The following PKHD1L1 variants were observed in gnomAD, a reference collection of about 807,000 sequenced individuals.
PKHD1L1 encodes the protein fibrocystin-L.
A neutral mutation model predicts 462.9 loss-of-function variants in PKHD1L1; 434 were observed. The ratio of observed to expected loss-of-function variants is 0.94; its 90% CI spans 0.87 to 1.02. PKHD1L1 has a LOEUF of 1.02. Ranked by LOEUF, PKHD1L1 falls within the 50% of genes least tolerant of loss-of-function variation. The pLI, the probability that PKHD1L1 is intolerant of heterozygous loss-of-function variation, is 0.00. For synonymous variants in PKHD1L1, 1,781 were observed against 1,750.0 expected (o/e 1.02, Z -0.44); for missense variants, 5,202 against 5,096.1 (o/e 1.02, Z -0.63).
chr8:109,514,541 G>A (rs934000453), intron 71 of PKHD1L1, among the ~76,000 whole-genome samples: 3 of 152,076 alleles, frequency 2.0e-5, no homozygotes, highest in Admixed American at 6.6e-5. Flanking sequence ...TAATGTGACT[G>A]TCAATATTCT....
chr8:109,398,981 T>C (rs1165662444), intron 12 of PKHD1L1, among the ~76,000 whole-genome samples: 1 of 152,164 alleles, frequency 6.6e-6, no homozygotes, highest in Non-Finnish European at 1.5e-5. Flanking sequence ...GAAATGTTAC[T>C]CTAAATTCTT....
chr8:109,410,043 T>A (rs1388549107), intron 19 of PKHD1L1, 65 bp downstream of exon 19: 1 of 884,020 alleles, frequency 1.1e-6, no homozygotes, highest in African/African-American at 1.8e-5. Flanking sequence ...TTTTAAATTT[T>A]ATAATTTCTC....
At chr8:109,523,483 A>T in intron 76 of PKHD1L1, 97 bp downstream of exon 76, 1 of 1,205,866 alleles carries the variant, frequency 8.3e-7, no homozygotes, top group Non-Finnish European at 1.1e-6. Flanking sequence ...CACTCTGGTC[A>T]ATAAATTATA....
chr8:109,431,464 G>T (rs1352268024), intron 27 of PKHD1L1, among the ~76,000 whole-genome samples: 1 of 151,604 alleles, frequency 6.6e-6, no homozygotes, highest in Non-Finnish European at 1.5e-5. Flanking sequence ...AACTCTCGAG[G>T]GACAATCACA....
In PKHD1L1 at chr8:109,413,550, G is replaced by A. The variant is rs1237831540; in HGVS notation, c.2360+5G>A. On this transcript the variant is annotated splice_donor_5th_base_variant and intron_variant, in intron 21 of 77. Transcript: ENST00000378402. ...CAACTTTGCTTATGGAAACAAGTAAGTTACGCTATGAATTTGAAAATTACA... is the reference window on the plus strand; with the variant it reads ...CAACTTTGCTTATGGAAACAAGTAAATTACGCTATGAATTTGAAAATTACA... The A allele has an allele frequency of 2.0e-6, 3 of 1,504,708 alleles. No homozygotes were observed. The highest frequency in any genetic ancestry group is 2.8e-5 in the South Asian group (2 of 71,846). The allele number at this position is 1,504,708 out of a possible 1,614,324, so 93.2% of individuals were successfully genotyped here.
At chr8:109,507,968 C>A in intron 69 of PKHD1L1, 73 bp downstream of exon 69, 1 of 1,533,940 alleles carries the variant, frequency 6.5e-7, no homozygotes, top group Non-Finnish European at 8.9e-7. Flanking sequence ...TTTTTAATGA[C>A]TTGCCTACTC....
At chr8:109,421,829 A>G (rs1205920096) in intron 23 of PKHD1L1, among the ~76,000 whole-genome samples, 3 of 152,152 alleles carry the variant, frequency 2.0e-5, no homozygotes, top group African/African-American at 7.2e-5. Context: ...TGTATTCTCA[A>G]AGCATCTGTG....
At chr8:109,429,710 A>G (rs73700887) in intron 26 of PKHD1L1, among the ~76,000 whole-genome samples, 1,736 of 152,258 alleles carry the variant, frequency 0.011, 26 homozygotes, top group African/African-American at 0.037. Flanking sequence ...CTTTCCTTCA[A>G]TCTTTACAGC....
At chr8:109,382,396 T>C in intron 3 of PKHD1L1, 67 bp from the exon 4 acceptor site, 3 of 1,315,280 alleles carry the variant, frequency 2.3e-6, no homozygotes, top group East Asian at 2.7e-5. Context: ...GCAGTATTTT[T>C]CATTAATACT....
chr8:109,527,440 G>A (rs1003940042), intron 77 of PKHD1L1, among the ~76,000 whole-genome samples: 31 of 152,238 alleles, frequency 2.0e-4, no homozygotes, highest in African/African-American at 7.2e-4. Context: ...GGAGGTGGAG[G>A]CTGCAGTGAA....
chr8:109,402,629 T>C (rs1813330347), intron 14 of PKHD1L1, among the ~76,000 whole-genome samples: 1 of 152,192 alleles, frequency 6.6e-6, no homozygotes, highest in Admixed American at 6.5e-5. Flanking sequence ...TATTTGCTAA[T>C]ATCCCATTGC....
At position 109,491,109 on chromosome 8, in the gene PKHD1L1, A is replaced by G; in HGVS notation, c.10114+8A>G. 1 of 1,603,380 alleles carries G rather than the reference A, an allele frequency of 6.2e-7. No homozygotes were observed. Among genetic ancestry groups the G allele is most frequent in the Non-Finnish European group, 8.5e-7 (1 of 1,172,924 alleles). The stretch of plus-strand genomic sequence containing the variant: ...ACTTTACAGTGGGGGAAGGTAATAT[A>G]ATAATATTTTGGTTCAAATTACACA... On this transcript the variant is annotated splice_region_variant and intron_variant, in intron 61 of 77. Transcript: ENST00000378402.
chr8:109,467,660 G>A (rs1256652415), intron 50 of PKHD1L1, among the ~76,000 whole-genome samples: 1 of 151,886 alleles, frequency 6.6e-6, no homozygotes, highest in Non-Finnish European at 1.5e-5. Context: ...CATCTCTCTA[G>A]AAATTATTAG....
intron 2 of PKHD1L1, among the ~76,000 whole-genome samples, chr8:109,377,522 T>C (rs1305128476): frequency 1.3e-5 from 2 of 152,152 alleles, no homozygotes; most frequent in Admixed American, 1.3e-4. Context: ...ACCGGTTAAT[T>C]TGCCTAAAGT....
Position 109,431,026 on chromosome 8 carries a change from A to G in PKHD1L1, c.3229+989A>G, listed in dbSNP as rs537243551. ...TGCTGTCACCAGGCTGGAGTGCAGT[A>G]GTGCGATCTCAGCTCACTGCAACCT... On this transcript the variant is annotated intron_variant, in intron 27 of 77. Coordinates refer to ENST00000378402, the MANE Select transcript of PKHD1L1 (RefSeq NM_177531.6). Among the ~76,000 whole-genome samples the G allele has an allele frequency of 3.4e-5, 5 of 146,438 alleles. No homozygotes were observed. The South Asian group carries it at 1.1e-3, about 31-fold the overall frequency.
Position 109,481,456 on chromosome 8 carries a change from G to A in PKHD1L1, c.9351G>A (p.Trp3117Ter), listed in dbSNP as rs1418094646. 1 of 1,598,756 alleles carries A rather than the reference G, an allele frequency of 6.3e-7. No homozygotes were observed. The highest frequency in any genetic ancestry group is 2.3e-5 in the East Asian group (1 of 44,352). ...AGGGAGGTAGATTAATCGGTGGCTGGGAAGATAACCCTTTTAAAGGAGACT... is the reference window on the plus strand; with the variant it reads ...AGGGAGGTAGATTAATCGGTGGCTGAGAAGATAACCCTTTTAAAGGAGACT... ...SLQGGRLIGG[W>*]EDNPFKGDLK... is the part of the protein sequence containing the mutation. Residue 3117 changes from tryptophan (W) to a stop codon, truncating the protein, a stop_gained, in exon 56 of 78, where the codon TGG becomes TGA. Transcript: ENST00000378402. LOFTEE classifies it high-confidence loss of function.
intron 4 of PKHD1L1, 131 bp downstream of exon 4, chr8:109,382,702 A>G: frequency 1.9e-6 from 1 of 519,092 alleles, no homozygotes; most frequent in Non-Finnish European, 3.2e-6. Flanking sequence ...AACAAAGGAT[A>G]ATTTCCCTCA....
At chr8:109,424,886 G>C (rs1329997686) in intron 23 of PKHD1L1, among the ~76,000 whole-genome samples, 199 bp from the exon 24 acceptor site, 1 of 152,096 alleles carries the variant, frequency 6.6e-6, no homozygotes, top group Non-Finnish European at 1.5e-5. Flanking sequence ...ACAGATGAAT[G>C]AGTTGACTTT....
At chr8:109,487,681 C>G (rs1363603968) in intron 59 of PKHD1L1, among the ~76,000 whole-genome samples, 3 of 151,672 alleles carry the variant, frequency 2.0e-5, no homozygotes, top group Non-Finnish European at 2.9e-5. Flanking sequence ...TTTCCTATGC[C>G]TAGGTGATTT....
Sources: allele counts gnomAD v4.1 joint callset (sites outside exome capture counted in the v4.1 genomes callset), GRCh38; gene constraint gnomAD v4.1.1; transcripts MANE v1.5; gene names NCBI Gene and HGNC (gene_info 2026-07-23, HGNC 2026-07-21).